KCNK9: variants seen among roughly 807,000 people sequenced by gnomAD.
KCNK9 encodes potassium two pore domain channel subfamily K member 9.
Under a neutral mutation model 10.8 loss-of-function variants are expected in KCNK9, and 1 was observed. That is an observed-to-expected ratio of 0.09 (90% CI 0.03 to 0.44). The LOEUF (loss-of-function observed/expected upper bound fraction) is 0.44, where lower values mean the gene tolerates loss of function less well. KCNK9 is among the 20% of genes least tolerant of loss of function. The pLI is 0.97. For synonymous variants in KCNK9, 231 were observed against 222.7 expected (o/e 1.04, Z -0.33); for missense variants, 303 against 515.0 (o/e 0.59, Z 3.98).
At chr8:139,700,893 G>C (rs184028378) in intron 1 of KCNK9, among the ~76,000 whole-genome samples, 1 of 152,112 alleles carries the variant, frequency 6.6e-6, no homozygotes, top group African/African-American at 2.4e-5. Flanking sequence ...TCCTCTCCTC[G>C]ATGTTGTCGC....
chr8:139,657,272 T>C (rs978036496), intron 1 of KCNK9, among the ~76,000 whole-genome samples: 2 of 152,174 alleles, frequency 1.3e-5, no homozygotes, highest in Non-Finnish European at 2.9e-5. Flanking sequence ...TGAGCTTAAC[T>C]TCTCATGGGT....
Position 139,655,879 on chromosome 8 carries a change from A to G in KCNK9, c.284-36780T>C, listed in dbSNP as rs1816008225. 2.0e-5 allele frequency among the ~76,000 whole-genome samples: 3 copies of G among 152,174 alleles called. No homozygotes were observed. The South Asian group carries it at 6.2e-4, about 32-fold the overall frequency. On this transcript the variant is annotated intron_variant, in intron 1 of 1. Coordinates refer to ENST00000520439, the MANE Select transcript of KCNK9 (RefSeq NM_001282534.2). Reference sequence around the variant, plus strand: ...TCTGCCTACAGCGAGGGGGAGACAGAGCGATGCTGTGGAGCCTTGGGAATG... The same window carrying G: ...TCTGCCTACAGCGAGGGGGAGACAGGGCGATGCTGTGGAGCCTTGGGAATG...
At chr8:139,622,684 T>G (rs2130114901) in intron 1 of KCNK9, among the ~76,000 whole-genome samples, 1 of 152,198 alleles carries the variant, frequency 6.6e-6, no homozygotes, top group East Asian at 1.9e-4. Context: ...AGTGTGAGAG[T>G]GCTATTTCCT....
At chr8:139,637,778 C>CACACACACACACACACACACACAT (rs1815383737) in intron 1 of KCNK9, among the ~76,000 whole-genome samples, 1 of 151,876 alleles carries the variant, frequency 6.6e-6, no homozygotes, top group Admixed American at 6.6e-5. Context: ...CACACACACA[C>CACACACACACACACACACACACAT]ACACACAATA....
At chr8:139,610,864 T>C (rs1025438862), downstream of KCNK9, among the ~76,000 whole-genome samples, 2 of 152,250 alleles carry the variant, frequency 1.3e-5, no homozygotes, top group African/African-American at 4.8e-5. Flanking sequence ...AGATTTATGC[T>C]GTGTCATGTC....
At chr8:139,679,464 A>T (rs1816636784) in intron 1 of KCNK9, among the ~76,000 whole-genome samples, 1 of 152,184 alleles carries the variant, frequency 6.6e-6, no homozygotes, top group Non-Finnish European at 1.5e-5. Context: ...GACTGGTCAG[A>T]TTTTTCTAAC....
In KCNK9 at chr8:139,693,033, C is replaced by T. The variant is rs1473141366; in HGVS notation, c.283+9677G>A. On this transcript the variant is annotated intron_variant, in intron 1 of 1. Coordinates refer to ENST00000520439, the MANE Select transcript of KCNK9 (RefSeq NM_001282534.2). This position sits in a 1 kb window ranked among gnomAD's most constrained non-coding sequence, Gnocchi z 4.1. ...CCTGAGAGATTCACCCCAACCTCAC[C>T]TGAGTTTTCACCCCAGCCCCACCTG... Among the ~76,000 whole-genome samples the T allele has an allele frequency of 6.6e-6, 1 of 152,156 alleles. No homozygotes were observed. Among genetic ancestry groups the T allele is most frequent in the African/African-American group, 2.4e-5 (1 of 41,436 alleles).
chr8:139,608,682 G>A (rs927943490), downstream of KCNK9, among the ~76,000 whole-genome samples: 8 of 152,202 alleles, frequency 5.3e-5, no homozygotes, highest in East Asian at 3.9e-4. Flanking sequence ...ACTACACAAC[G>A]TACTGCACGC....
chr8:139,668,993 A>AT (rs1427094141), intron 1 of KCNK9, among the ~76,000 whole-genome samples: 1 of 152,192 alleles, frequency 6.6e-6, no homozygotes. Flanking sequence ...AGCCACACAC[A>AT]TTTTTTGATT....
At chr8:139,603,433 C>A (rs1259709475) in intron 2 of KCNK9, among the ~76,000 whole-genome samples, 1 of 152,206 alleles carries the variant, frequency 6.6e-6, no homozygotes, top group African/African-American at 2.4e-5. Context: ...GGACTCAAAA[C>A]TGCCTCATCC....
chr8:139,687,849 A>T (rs905138093), intron 1 of KCNK9, among the ~76,000 whole-genome samples: 3 of 151,626 alleles, frequency 2.0e-5, no homozygotes, highest in African/African-American at 7.3e-5. Context: ...TTTTAAAGAA[A>T]ATCCCAGACA....
At chr8:139,659,815 C>A (rs1816107921) in intron 1 of KCNK9, among the ~76,000 whole-genome samples, 1 of 151,918 alleles carries the variant, frequency 6.6e-6, no homozygotes, top group Non-Finnish European at 1.5e-5. Flanking sequence ...AGCCACTGCA[C>A]CCGGCCTATT....
intron 1 of KCNK9, among the ~76,000 whole-genome samples, chr8:139,632,405 C>T (rs1815201332): frequency 6.6e-6 from 1 of 152,224 alleles, no homozygotes; most frequent in South Asian, 2.1e-4. Context: ...ACCAGGGCCT[C>T]CCGCGTGGAA....
In KCNK9 at chr8:139,618,580, C is replaced by A. The variant is rs201726948; in HGVS notation, c.803G>T (p.Arg268Leu). 15 of 1,613,546 alleles carry A rather than the reference C, an allele frequency of 9.3e-6. No individual in the cohort carries two copies. The East Asian group carries it at 1.3e-4, about 14-fold the overall frequency. The change falls in exon 2 of 2, where the codon CGC becomes CTC. Residue 268 changes from arginine (R) to leucine (L), a missense_variant. This residue lies in a region of KCNK9 where 138 missense variants were observed against 161.1 expected (regional missense o/e 0.86). Transcript: ENST00000520439. The surrounding 1 kb of genome is among the most constrained non-coding windows in gnomAD (Gnocchi z 7.9). ...AEERASLAGN[R>L]NSMVIHIPEE... is the part of the protein sequence containing the mutation. ...AGGGATGTGAATGACCATGCTGTTG[C>A]GGTTTCCGGCGAGGGATGCCCTCTC...
chr8:139,614,466 CCAAT>C (rs1216736281), downstream of KCNK9, among the ~76,000 whole-genome samples: 1 of 152,190 alleles, frequency 6.6e-6, no homozygotes, highest in Non-Finnish European at 1.5e-5. Flanking sequence ...CATTCCCCTC[CCAAT>C]CAGCCATGCA....
chr8:139,624,208 T>A (rs761489600), intron 1 of KCNK9, among the ~76,000 whole-genome samples: 1 of 152,164 alleles, frequency 6.6e-6, no homozygotes, highest in Non-Finnish European at 1.5e-5. Context: ...GGATGCTGAG[T>A]TAGACACGCC....
chr8:139,617,982 G>T lies in KCNK9; in HGVS notation c.*276C>A. On this transcript the variant is annotated 3_prime_UTR_variant, in exon 2 of 2. Transcript: ENST00000520439. ...TGATGGGGTGGGTGGGGTGAGAAAT[G>T]TAAGGCATAGTCTGCTGGGAAGGAA... 1 of 454,686 alleles carries T rather than the reference G, an allele frequency of 2.2e-6. No individual in the cohort carries two copies. The allele number at this position is 454,686 out of a possible 1,614,324, so 28.2% of individuals were successfully genotyped here.
intron 1 of KCNK9, among the ~76,000 whole-genome samples, chr8:139,653,869 C>T (rs1815940528): frequency 6.6e-6 from 1 of 152,240 alleles, no homozygotes; most frequent in African/African-American, 2.4e-5. Flanking sequence ...AGGAATTTTG[C>T]TTGGGGTAGC....
At chr8:139,698,804 C>T (rs191037596) in intron 1 of KCNK9, among the ~76,000 whole-genome samples, 16 of 152,316 alleles carry the variant, frequency 1.1e-4, no homozygotes, top group South Asian at 2.1e-4. Flanking sequence ...GTCTGTTTCA[C>T]GAAAAGTCTG....
Sources: gnomAD v4.1 joint callset for allele counts (sites outside exome capture counted in the v4.1 genomes callset) on GRCh38, gnomAD v4.1.1 for gene constraint, gnomAD v4.1.1 regional missense constraint, Gnocchi (gnomAD v3.1) non-coding constraint, MANE v1.5 for transcripts, NCBI Gene and HGNC (gene_info 2026-07-23, HGNC 2026-07-21) for gene names.